The following ITPRID1 variants were observed in gnomAD, a reference collection of about 807,000 sequenced individuals.
The protein encoded by ITPRID1 is protein ITPRID1.
ITPRID1 carries 96 observed loss-of-function variants against 95.4 expected under a neutral mutation model. That is an observed-to-expected ratio of 1.01 (90% CI 0.85 to 1.19). The LOEUF (loss-of-function observed/expected upper bound fraction) is 1.19. Ranked by LOEUF, ITPRID1 falls within the 50% of genes most tolerant of loss-of-function variation. The probability of loss-of-function intolerance (pLI) is 0.00; values close to 1 mark genes in which losing one functional copy is unlikely to be tolerated. For missense variants in ITPRID1, 1,339 were observed against 1,252.9 expected, an observed-to-expected ratio of 1.07 and a Z score of -1.04; for synonymous variants, 510 against 453.6, an observed-to-expected ratio of 1.12 and a Z score of -1.58.
Position 31,653,747 on chromosome 7 carries a change from C to T in ITPRID1, c.*918C>T, listed in dbSNP as rs1409030624. On this transcript the variant is annotated 3_prime_UTR_variant, in exon 15 of 15. Coordinates refer to ENST00000615280, the MANE Select transcript of ITPRID1 (RefSeq NM_001257967.3). ...GGGGTCCTGAGGTTTATTTTCCTTT[C>T]ACAGAATATAAACATGTACGTACAT... is the stretch of plus-strand genomic sequence containing the variant. The T allele has an allele frequency of 6.6e-6, 1 of 152,158 alleles. No individual in the cohort carries two copies. The highest frequency in any genetic ancestry group is 6.5e-5 in the Admixed American group (1 of 15,272). 9.4% of individuals were successfully genotyped at this position (152,158 alleles called of 1,614,324 possible). A position where few individuals can be genotyped will look rare whatever the true frequency, so the allele number is the denominator to read the frequency against.
chr7:31,657,135 TATA>T (rs1791343897), downstream of ITPRID1, among the ~76,000 whole-genome samples: 1 of 149,280 alleles, frequency 6.7e-6, no homozygotes, highest in South Asian at 2.1e-4. Flanking sequence ...ATCAAATATA[TATA>T]ATCATATATA....
At chr7:31,644,975 T>C (rs1389441159) in intron 12 of ITPRID1, among the ~76,000 whole-genome samples, 3 of 152,230 alleles carry the variant, frequency 2.0e-5, no homozygotes, top group Non-Finnish European at 2.9e-5. Context: ...TTTTCTGTTA[T>C]GTCATTTAAC....
chr7:31,618,406 A>G (rs1199821767), intron 10 of ITPRID1, among the ~76,000 whole-genome samples: 1 of 152,182 alleles, frequency 6.6e-6, no homozygotes, highest in African/African-American at 2.4e-5. Flanking sequence ...TAGGCTATTG[A>G]AGAAGAGGCA....
chr7:31,543,412 TGAATATACTCATAGCTTGCTTA>T lies in ITPRID1; in HGVS notation c.-97-6013_-97-5992del, dbSNP rs1392108407. ...ATGAAGAGGAAAACATAAGGCCTTT[TGAATATACTCATAGCTTGCTTA>T]TGAGTATATTCATAAATCAGTGTTC... On this transcript the variant is annotated intron_variant, in intron 1 of 14. Transcript: ENST00000615280. Among the ~76,000 whole-genome samples, 13 of 152,214 alleles carry T rather than the reference TGAATATACTCATAGCTTGCTTA, an allele frequency of 8.5e-5. No homozygotes were observed. The East Asian group carries it at 2.5e-3, about 29-fold the overall frequency.
At position 31,652,055 on chromosome 7, in the gene ITPRID1, G is replaced by A. The variant is rs528783701; in HGVS notation, c.2823+5G>A. On this transcript the variant is annotated splice_donor_5th_base_variant and intron_variant, in intron 14 of 14. Transcript: ENST00000615280. The stretch of plus-strand genomic sequence containing the variant: ...ATCAGAGAAGGGATTTTACTGGTAT[G>A]GGTGATGGGGTGTGGAGTTTGACTA... 31 of 1,572,798 alleles carry A rather than the reference G, an allele frequency of 2.0e-5. No homozygotes were observed. Among genetic ancestry groups the A allele is most frequent in the Non-Finnish European group, 8.7e-7 (1 of 1,153,710 alleles).
At position 31,643,327 on chromosome 7, in the gene ITPRID1, G is replaced by A. The variant is rs535553057; in HGVS notation, c.1957G>A (p.Ala653Thr). The A allele has an allele frequency of 5.0e-6, 8 of 1,613,918 alleles. No individual in the cohort carries two copies. In the South Asian group the frequency reaches 6.6e-5, roughly 13 times the overall value. Residue 653 changes from alanine (A) to threonine (T), a missense_variant, in exon 12 of 15, where the codon GCA (alanine) becomes ACA (threonine). By Grantham distance (58) the Ala-to-Thr change is moderately conservative (BLOSUM62 0). Transcript: ENST00000615280. ...CAAGCACAGTGAAATCACACCTTATGCAACTGACCTTGCTCAAACATCTGA... is the reference window on the plus strand; with the variant it reads ...CAAGCACAGTGAAATCACACCTTATACAACTGACCTTGCTCAAACATCTGA... ...IPKHSEITPY[A>T]TDLAQTSEKL...
chr7:31,612,984 G>A (rs187655187), intron 10 of ITPRID1, among the ~76,000 whole-genome samples: 1 of 152,248 alleles, frequency 6.6e-6, no homozygotes, highest in East Asian at 1.9e-4. Flanking sequence ...CACCCTGCTG[G>A]TATGGATTTC....
intron 1 of ITPRID1, chr7:31,529,969 C>G: frequency 1.6e-6 from 1 of 628,078 alleles, no homozygotes; most frequent in South Asian, 2.0e-5. Context: ...AGCTGTGTGA[C>G]TGGGTGATTC....
chr7:31,519,610 CTCTCTCTCTCTATATATATA>C lies in ITPRID1; in HGVS notation c.-98+5492_-98+5511del, dbSNP rs201886640. On this transcript the variant is annotated intron_variant, in intron 1 of 14. Coordinates refer to ENST00000615280, the MANE Select transcript of ITPRID1 (RefSeq NM_001257967.3). ...TCTCTCTCTCTCTCTCTCTCTCTCT[CTCTCTCTCTCTATATATATA>C]TATATATATATATATAAATCTTATG... Among the ~76,000 whole-genome samples the C allele has an allele frequency of 5.6e-3, 286 of 51,324 alleles. 3 individuals are homozygous for C. The highest frequency in any genetic ancestry group is 0.02 in the African/African-American group (267 of 13,660). The allele number at this position is 51,324 out of a possible 152,430, so 33.7% of individuals were successfully genotyped here.
intron 5 of ITPRID1, among the ~76,000 whole-genome samples, chr7:31,564,693 G>A (rs1173748938): frequency 2.6e-5 from 4 of 152,142 alleles, no homozygotes; most frequent in South Asian, 4.1e-4. Flanking sequence ...TTCCCTAGGC[G>A]TGAGCTTCCT....
chr7:31,521,004 C>G (rs2128127094), intron 1 of ITPRID1, among the ~76,000 whole-genome samples: 1 of 151,754 alleles, frequency 6.6e-6, no homozygotes, highest in South Asian at 2.1e-4. Context: ...GAAATTTGTC[C>G]ATTTTATTGT....
At chr7:31,544,643 T>C (rs1474393670) in intron 1 of ITPRID1, among the ~76,000 whole-genome samples, 1 of 152,160 alleles carries the variant, frequency 6.6e-6, no homozygotes, top group Non-Finnish European at 1.5e-5. Context: ...ACATTCTGCC[T>C]CATAACATAG....
In ITPRID1 at chr7:31,655,186, A is replaced by G. The variant is rs1343799751; in HGVS notation, c.*2357A>G. 6.6e-6 allele frequency among the ~76,000 whole-genome samples: 1 copy of G among 152,152 alleles called. No homozygotes were observed. Among genetic ancestry groups the G allele is most frequent in the Non-Finnish European group, 1.5e-5 (1 of 68,026 alleles). ...ACTCTTGGCTAAAGCTGACCTGGTCATTGCCCCAACTCAGTTCATCTTCCT... is the reference window on the plus strand; with the variant it reads ...ACTCTTGGCTAAAGCTGACCTGGTCGTTGCCCCAACTCAGTTCATCTTCCT... On this transcript the variant is annotated 3_prime_UTR_variant, in exon 15 of 15. Coordinates refer to ENST00000615280, the MANE Select transcript of ITPRID1 (RefSeq NM_001257967.3).
At chr7:31,628,955 A>C (rs1788746502) in intron 10 of ITPRID1, among the ~76,000 whole-genome samples, 1 of 152,220 alleles carries the variant, frequency 6.6e-6, no homozygotes, top group Admixed American at 6.5e-5. Context: ...AAAACAAAAA[A>C]ACATTTGGAC....
At chr7:31,645,560 C>T (rs1469469246) in intron 12 of ITPRID1, among the ~76,000 whole-genome samples, 1 of 152,032 alleles carries the variant, frequency 6.6e-6, no homozygotes, top group Non-Finnish European at 1.5e-5. Flanking sequence ...GGTTCAAATC[C>T]TGGGTAACAG....
intron 1 of ITPRID1, among the ~76,000 whole-genome samples, chr7:31,533,231 T>G (rs1373079233): frequency 6.6e-6 from 1 of 152,104 alleles, no homozygotes; most frequent in East Asian, 1.9e-4. Flanking sequence ...AGTTTCTTAG[T>G]TTTAGTCAGT....
chr7:31,529,518 T>C, intron 1 of ITPRID1: 1 of 450,812 alleles, frequency 2.2e-6, no homozygotes, highest in Non-Finnish European at 3.9e-6. Context: ...CTCCTGCCAT[T>C]CCTAATGACA....
At chr7:31,614,010 A>C (rs551578942) in intron 10 of ITPRID1, among the ~76,000 whole-genome samples, 2 of 152,328 alleles carry the variant, frequency 1.3e-5, no homozygotes, top group African/African-American at 4.8e-5. Context: ...TTTGGCTCAG[A>C]GGAGTAAAGT....
In ITPRID1 at chr7:31,569,765, G is replaced by T. The variant is rs1188534997; in HGVS notation, c.264G>T (p.Leu88Phe). Residue 88 changes from leucine (L) to phenylalanine (F), a missense_variant, in exon 6 of 15, where the codon TTG becomes TTT. Transcript: ENST00000615280. Reference sequence around the variant, plus strand: ...CTTTTTTTGTTGTTGCAGTTTCTTTGTATGAACAAGGGATGGTTCAAATGA... The same window carrying T: ...CTTTTTTTGTTGTTGCAGTTTCTTTTTATGAACAAGGGATGGTTCAAATGA... ...FQQVIDRTVS[L>F]YEQGMVQMTV... The T allele has an allele frequency of 1.3e-5, 21 of 1,582,916 alleles. No homozygotes were observed. Among genetic ancestry groups the T allele is most frequent in the Middle Eastern group, 1.7e-4 (1 of 6,026 alleles).
Sources: gnomAD v4.1 joint callset for allele counts (sites outside exome capture counted in the v4.1 genomes callset) on GRCh38, gnomAD v4.1.1 for gene constraint, MANE v1.5 for transcripts, NCBI Gene and HGNC (gene_info 2026-07-23, HGNC 2026-07-21) for gene names.